The following SLC7A13 variants were observed in gnomAD, a reference collection of about 807,000 sequenced individuals.
SLC7A13 encodes solute carrier family 7 member 13.
SLC7A13 carries 31 observed loss-of-function variants against 32.0 expected under a neutral mutation model. The ratio of observed to expected loss-of-function variants is 0.97; its 90% CI spans 0.73 to 1.31. The LOEUF is 1.31. SLC7A13 is among the 50% of genes most tolerant of loss of function. SLC7A13 has a pLI of 0.00. For synonymous variants in SLC7A13, 232 were observed against 206.9 expected (o/e 1.12, Z -1.04); for missense variants, 633 against 546.9 (o/e 1.16, Z -1.57).
intron 1 of SLC7A13, among the ~76,000 whole-genome samples, chr8:86,223,614 C>T (rs1391496388): frequency 1.3e-5 from 2 of 151,932 alleles, no homozygotes; most frequent in Admixed American, 6.6e-5. Context: ...GGGAGATACC[C>T]AGTAGTGGGA....
At chr8:86,222,751 A>G (rs1820321066) in intron 2 of SLC7A13, among the ~76,000 whole-genome samples, 2 of 152,224 alleles carry the variant, frequency 1.3e-5, no homozygotes. Context: ...TCAACATTAT[A>G]TACATCTTTC....
intron 3 of SLC7A13, chr8:86,215,830 A>G (rs1431057062): frequency 8.3e-6 from 2 of 240,308 alleles, no homozygotes; most frequent in Non-Finnish European, 8.5e-6. Context: ...GGGGCATACA[A>G]GACAAATTTC....
chr8:86,229,452 C>T, intron 1 of SLC7A13, 141 bp downstream of exon 1: 2 of 790,338 alleles, frequency 2.5e-6, no homozygotes, highest in Admixed American at 2.8e-5. Flanking sequence ...AAGTGCCAGG[C>T]TGGCATGATC....
Position 86,214,377 on chromosome 8 carries a change from G to T in SLC7A13, c.*36C>A, listed in dbSNP as rs1329752224. ...TTTGGAATCTGATATATGTTTTTTA[G>T]AAGGCCAATTTTTTAAGAGTTTGCA... is the stretch of plus-strand genomic sequence containing the variant. On this transcript the variant is annotated 3_prime_UTR_variant, in exon 4 of 4. Transcript: ENST00000297524. The T allele has an allele frequency of 7.5e-7, 1 of 1,340,130 alleles. No individual in the cohort carries two copies. Among genetic ancestry groups the T allele is most frequent in the Non-Finnish European group, 1.0e-6 (1 of 965,408 alleles). The allele number at this position is 1,340,130 out of a possible 1,614,324, so 83.0% of individuals were successfully genotyped here.
intron 1 of SLC7A13, among the ~76,000 whole-genome samples, chr8:86,225,585 T>C (rs1033597608): frequency 1.3e-5 from 2 of 152,172 alleles, no homozygotes; most frequent in African/African-American, 4.8e-5. Flanking sequence ...AAAGTTATAA[T>C]AGCCAGACAA....
rs778773808 is a variant in SLC7A13, at chr8:86,230,015, A to G, written c.263T>C (p.Phe88Ser). 9 of 1,614,154 alleles carry G rather than the reference A, an allele frequency of 5.6e-6. No individual in the cohort carries two copies. The highest frequency in any genetic ancestry group is 5.9e-6 in the Non-Finnish European group (7 of 1,180,020). Residue 88 changes from phenylalanine (F) to serine (S), a missense_variant, in exon 1 of 4, where the codon TTT (phenylalanine) becomes TCT (serine). Phe to Ser is a radical substitution (Grantham distance 155, BLOSUM62 -2). Transcript: ENST00000297524. ...GAQYYFLKRYFGSTVAFLNLW... is the reference protein window; with the variant it reads ...GAQYYFLKRYSGSTVAFLNLW... ...ATTCAAAAAAGCAACCGTGGAGCCA[A>G]AGTATCTCTTGAGAAAATAGTATTG...
At chr8:86,222,775 A>G (rs1820321374) in intron 2 of SLC7A13, among the ~76,000 whole-genome samples, 197 bp downstream of exon 2, 1 of 152,202 alleles carries the variant, frequency 6.6e-6, no homozygotes, top group Non-Finnish European at 1.5e-5. Flanking sequence ...ATTATTAGAA[A>G]AGGCATAACC....
Position 86,214,482 on chromosome 8 carries a change from C to T in SLC7A13, c.1344G>A (p.Trp448Ter). Reference sequence around the variant, plus strand: ...GTAAATAGCAAGTCATCTTCTCAAACCAAGCCAATCTTATTTTAAAATGTA... The same window carrying T: ...GTAAATAGCAAGTCATCTTCTCAAATCAAGCCAATCTTATTTTAAAATGTA... ...PLIHFKIRLA[W>*]FEKMTCYLQL... Residue 448 changes from tryptophan to a stop codon, truncating the protein, a stop_gained, in exon 4 of 4, where the codon TGG (tryptophan) becomes TGA (stop). Coordinates refer to ENST00000297524, the MANE Select transcript of SLC7A13 (RefSeq NM_138817.3). LOFTEE classifies it high-confidence loss of function. The T allele has an allele frequency of 6.2e-7, 1 of 1,612,434 alleles. No individual in the cohort carries two copies. The highest frequency in any genetic ancestry group is 8.5e-7 in the Non-Finnish European group (1 of 1,179,268).
chr8:86,218,249 C>T (rs181189441), intron 2 of SLC7A13, among the ~76,000 whole-genome samples: 1 of 152,282 alleles, frequency 6.6e-6, no homozygotes, highest in Admixed American at 6.5e-5. Context: ...CTGATAGTTA[C>T]ATTCAGAGTC....
At chr8:86,227,039 G>A (rs1020687517) in intron 1 of SLC7A13, among the ~76,000 whole-genome samples, 1 of 152,144 alleles carries the variant, frequency 6.6e-6, no homozygotes, top group Non-Finnish European at 1.5e-5. Flanking sequence ...TAAAAAAGAG[G>A]CTAGAAAGGA....
chr8:86,215,538 T>A (rs1320354850), intron 3 of SLC7A13: 1 of 321,022 alleles, frequency 3.1e-6, no homozygotes, highest in Non-Finnish European at 6.1e-6. Flanking sequence ...TTACAAAAGT[T>A]AGCTGGGTGT....
chr8:86,227,827 A>C (rs1820414170), intron 1 of SLC7A13, among the ~76,000 whole-genome samples: 1 of 152,226 alleles, frequency 6.6e-6, no homozygotes, highest in South Asian at 2.1e-4. Flanking sequence ...TAAGAGAAAC[A>C]ATTCAAAAAC....
chr8:86,214,796 C>A, intron 3 of SLC7A13, 150 bp from the exon 4 acceptor site: 1 of 628,598 alleles, frequency 1.6e-6, no homozygotes, highest in Non-Finnish European at 2.7e-6. Flanking sequence ...GCTTAGAAGT[C>A]AGATAAATGC....
At chr8:86,228,903 A>G (rs1381289543) in intron 1 of SLC7A13, among the ~76,000 whole-genome samples, 1 of 151,892 alleles carries the variant, frequency 6.6e-6, no homozygotes, top group African/African-American at 2.4e-5. Context: ...GTGGTCTCAA[A>G]CTCCTAGCCT....
chr8:86,215,674 G>A (rs748018741), intron 3 of SLC7A13: 1 of 448,150 alleles, frequency 2.2e-6, no homozygotes, highest in Admixed American at 2.4e-5. Context: ...CAGCCTGGAC[G>A]ACAAGAATGA....
At chr8:86,227,052 A>G (rs1820397949) in intron 1 of SLC7A13, among the ~76,000 whole-genome samples, 2 of 152,246 alleles carry the variant, frequency 1.3e-5, no homozygotes, top group Admixed American at 1.3e-4. Context: ...AGAAAGGAGA[A>G]AACACTTGCT....
In SLC7A13 at chr8:86,229,629, C is replaced by G; in HGVS notation, c.649G>C (p.Ala217Pro). The G allele has an allele frequency of 3.7e-6, 6 of 1,613,958 alleles. No individual in the cohort carries two copies. The highest frequency in any genetic ancestry group is 5.1e-6 in the Non-Finnish European group (6 of 1,179,988). The stretch of plus-strand genomic sequence containing the variant: ...GTAAAGCATGCCCCGCCTGAATATG[C>G]AAAATATCCTTGGAAGATGGCTTGT... ...LIQAIFQGYF[A>P]YSGGACFTLI... Residue 217 changes from alanine (A) to proline (P), a missense_variant, in exon 1 of 4, where the codon GCA (alanine) becomes CCA (proline). Ala to Pro is a conservative substitution (Grantham distance 27). Coordinates refer to ENST00000297524, the MANE Select transcript of SLC7A13 (RefSeq NM_138817.3).
intron 2 of SLC7A13, among the ~76,000 whole-genome samples, chr8:86,219,902 G>T (rs1820264106): frequency 1.3e-5 from 2 of 151,912 alleles, no homozygotes; most frequent in Admixed American, 6.6e-5. Flanking sequence ...CTTAGAAGTG[G>T]GCCTTGTGAG....
rs1242554858 is a variant in SLC7A13 at position 86,217,623 on chromosome 8, T to A, written c.1026A>T (p.Leu342=). 1.2e-6 allele frequency: 2 copies of A among 1,613,412 alleles called. No homozygotes were observed. The highest frequency in any genetic ancestry group is 3.3e-5 in the Admixed American group (2 of 59,934). The change falls in exon 3 of 4, where the codon CTA becomes CTT. Residue 342 remains leucine (L), a synonymous_variant. Transcript: ENST00000297524. Reference sequence around the variant, plus strand: ...TTGCAAGGGATCCCAAAGTGACAAGTAGTAGCACAGCTGTAAATGGAGAAG... The same window carrying A: ...TTGCAAGGGATCCCAAAGTGACAAGAAGTAGCACAGCTGTAAATGGAGAAG... The part of the protein sequence containing the change: ...SHSSPFTAVL[L]LVTLGSLAII...
Sources: gnomAD v4.1 joint callset for allele counts (sites outside exome capture counted in the v4.1 genomes callset) on GRCh38, gnomAD v4.1.1 for gene constraint, MANE v1.5 for transcripts, NCBI Gene and HGNC (gene_info 2026-07-23, HGNC 2026-07-21) for gene names.